PARD3B: variants seen among roughly 807,000 people sequenced by gnomAD.
PARD3B encodes the protein par-3 family cell polarity regulator beta, also known as partitioning defective 3 homolog B.
PARD3B carries 103 observed loss-of-function variants against 130.2 expected under a neutral mutation model. That is an observed-to-expected ratio of 0.79 (90% confidence interval 0.67 to 0.93). The LOEUF is 0.93. Ranked by LOEUF, PARD3B falls within the 40% of genes least tolerant of loss-of-function variation. PARD3B has a pLI of 0.00. For missense variants in PARD3B, 1,609 were observed against 1,499.2 expected, an observed-to-expected ratio of 1.07 and a Z score of -1.21; for synonymous variants, 583 against 553.2, an observed-to-expected ratio of 1.05 and a Z score of -0.76.
In PARD3B at chr2:204,784,313, A is replaced by AT. The variant is rs200256397; in HGVS notation, c.222+98040dup. Among the ~76,000 whole-genome samples, 845 of 151,168 alleles carry AT rather than the reference A, an allele frequency of 5.6e-3. 3 individuals are homozygous for AT. The highest frequency in any genetic ancestry group is 8.7e-3 in the Non-Finnish European group (590 of 67,740). ...TGTCAGTTAGATCTTTACTAAATGG[A>AT]TTTTTTTTTCAACTTTTTTGTCCTT... On this transcript the variant is annotated intron_variant, in intron 2 of 22. Coordinates refer to ENST00000406610, the MANE Select transcript of PARD3B (RefSeq NM_001302769.2).
At chr2:204,607,989 C>T (rs1326781083) in intron 1 of PARD3B, among the ~76,000 whole-genome samples, 1 of 152,124 alleles carries the variant, frequency 6.6e-6, no homozygotes, top group Non-Finnish European at 1.5e-5. Context: ...CATGTGCACA[C>T]CCTGTTGTGT....
chr2:205,528,825 G>A (rs909592341), intron 21 of PARD3B, among the ~76,000 whole-genome samples: 5 of 149,884 alleles, frequency 3.3e-5, no homozygotes, highest in Non-Finnish European at 7.4e-5. Flanking sequence ...CTAGCCTAAC[G>A]AGGAATGCCA....
At chr2:204,989,007 C>A (rs1693413961) in intron 3 of PARD3B, among the ~76,000 whole-genome samples, 2 of 152,140 alleles carry the variant, frequency 1.3e-5, no homozygotes, top group South Asian at 4.1e-4. Flanking sequence ...GGTGGTAAAC[C>A]TCCAGCAGTG....
At chr2:204,570,207 T>G (rs2031912395) in intron 1 of PARD3B, among the ~76,000 whole-genome samples, 1 of 152,144 alleles carries the variant, frequency 6.6e-6, no homozygotes, top group African/African-American at 2.4e-5. Context: ...GGAGAGCTTG[T>G]TGTACTCTGA....
chr2:205,007,947 G>A (rs1032420030), intron 3 of PARD3B, among the ~76,000 whole-genome samples: 10 of 151,838 alleles, frequency 6.6e-5, no homozygotes, highest in African/African-American at 2.4e-4. Context: ...TATATTTTTG[G>A]AGCTGTTGCA....
rs869308018 is a variant in PARD3B at position 205,354,026 on chromosome 2, C to CTTTT, written c.2631-46966_2631-46963dup. Among the ~76,000 whole-genome samples the CTTTT allele has an allele frequency of 1.6e-3, 81 of 50,328 alleles. 2 individuals carry two copies. The highest frequency in any genetic ancestry group is 2.5e-3 in the African/African-American group (41 of 16,144). The allele number at this position is 50,328 out of a possible 152,430, so 33.0% of individuals were successfully genotyped here. A position where few individuals can be genotyped will look rare whatever the true frequency, so the allele number is the denominator to read the frequency against. On this transcript the variant is annotated intron_variant, in intron 18 of 22. Transcript: ENST00000406610. Reference sequence around the variant, plus strand: ...CTTCTTTCTTTTTTCTTTTCTTTTCCTTTTTTTTTTTTTTTTTTTTTTTTG... The same window carrying CTTTT: ...CTTCTTTCTTTTTTCTTTTCTTTTCCTTTTTTTTTTTTTTTTTTTTTTTTTTTTG...
At chr2:204,824,912 A>G (rs2043509418) in intron 2 of PARD3B, among the ~76,000 whole-genome samples, 1 of 152,186 alleles carries the variant, frequency 6.6e-6, no homozygotes, top group South Asian at 2.1e-4. Flanking sequence ...GTGAGCCACC[A>G]TCACATGCTC....
intron 10 of PARD3B, among the ~76,000 whole-genome samples, chr2:205,141,757 A>G (rs1304636446): frequency 2.0e-5 from 3 of 152,162 alleles, no homozygotes; most frequent in Non-Finnish European, 4.4e-5. Context: ...CCAAAATACC[A>G]TTTGATGATG....
At position 204,799,754 on chromosome 2, in the gene PARD3B, T is replaced by C. The variant is rs1239867942; in HGVS notation, c.222+113472T>C. Among the ~76,000 whole-genome samples the C allele has an allele frequency of 1.3e-5, 2 of 152,098 alleles. No individual in the cohort carries two copies. Among genetic ancestry groups the C allele is most frequent in the Non-Finnish European group, 1.5e-5 (1 of 68,008 alleles). The stretch of plus-strand genomic sequence containing the variant: ...ATCCAGGGACTTCTCCCAGATCTTA[T>C]CCAAGACCACCAAGATGGTACCTGT... On this transcript the variant is annotated intron_variant, in intron 2 of 22. Coordinates refer to ENST00000406610, the MANE Select transcript of PARD3B (RefSeq NM_001302769.2). The surrounding 1 kb of genome is among the most constrained non-coding windows in gnomAD (Gnocchi z 4.1).
Position 204,874,787 on chromosome 2 carries a change from A to G in PARD3B, c.223-90365A>G, listed in dbSNP as rs185819471. Among the ~76,000 whole-genome samples the G allele has an allele frequency of 1.5e-3, 234 of 152,174 alleles. 1 individual carries two copies. Among genetic ancestry groups the G allele is most frequent in the Admixed American group, 1.8e-3 (27 of 15,270 alleles). On this transcript the variant is annotated intron_variant, in intron 2 of 22. Coordinates refer to ENST00000406610, the MANE Select transcript of PARD3B (RefSeq NM_001302769.2). ...CAAACACTGCTCTGATTTCTATAATATCACCCTAGCTTGGTTCTACAAGTG... is the reference window on the plus strand; with the variant it reads ...CAAACACTGCTCTGATTTCTATAATGTCACCCTAGCTTGGTTCTACAAGTG...
chr2:205,543,877 A>G (rs2052274907), intron 21 of PARD3B, among the ~76,000 whole-genome samples: 2 of 152,220 alleles, frequency 1.3e-5, no homozygotes, highest in Admixed American at 1.3e-4. Flanking sequence ...TGGTCTTTAT[A>G]AATGGAAGTA....
At chr2:204,650,629 T>C (rs1179612357) in intron 1 of PARD3B, among the ~76,000 whole-genome samples, 1 of 152,150 alleles carries the variant, frequency 6.6e-6, no homozygotes, top group East Asian at 1.9e-4. Flanking sequence ...CCATTTTCCT[T>C]AGCAAACTAA....
At chr2:205,157,621 A>G (rs1184398254) in intron 10 of PARD3B, among the ~76,000 whole-genome samples, 1 of 152,128 alleles carries the variant, frequency 6.6e-6, no homozygotes, top group Non-Finnish European at 1.5e-5. Flanking sequence ...TCAGACATTC[A>G]TAGTAATTTT....
At chr2:205,477,243 A>C (rs2049054459) in intron 20 of PARD3B, among the ~76,000 whole-genome samples, 1 of 152,230 alleles carries the variant, frequency 6.6e-6, no homozygotes, top group Non-Finnish European at 1.5e-5. Context: ...TTGTGAGCAG[A>C]TAAGCACAAG....
intron 1 of PARD3B, among the ~76,000 whole-genome samples, chr2:204,614,882 C>T (rs1216861007): frequency 6.6e-6 from 1 of 152,152 alleles, no homozygotes; most frequent in Non-Finnish European, 1.5e-5. Context: ...TCCTGCAGAA[C>T]CATGAGCCAA....
At chr2:205,133,610 T>G (rs1412303281) in intron 10 of PARD3B, among the ~76,000 whole-genome samples, 2 of 152,204 alleles carry the variant, frequency 1.3e-5, no homozygotes, top group Non-Finnish European at 2.9e-5. Flanking sequence ...GTGATCAAAT[T>G]TTCAACTTTA....
At chr2:204,672,247 T>C (rs931775880) in intron 1 of PARD3B, among the ~76,000 whole-genome samples, 2 of 152,240 alleles carry the variant, frequency 1.3e-5, no homozygotes, top group Admixed American at 1.3e-4. Flanking sequence ...TTTTAGCTAA[T>C]TGTTTTTGGA....
intron 2 of PARD3B, among the ~76,000 whole-genome samples, chr2:204,733,257 G>T (rs1574843276): frequency 6.6e-6 from 1 of 152,040 alleles, no homozygotes; most frequent in South Asian, 2.1e-4. Context: ...ATACCACTTA[G>T]ATAACATCAT....
chr2:205,360,998 C>G (rs2044368068), intron 18 of PARD3B, among the ~76,000 whole-genome samples: 1 of 152,000 alleles, frequency 6.6e-6, no homozygotes, highest in African/African-American at 2.4e-5. Context: ...TCCCTCCCTT[C>G]TTCACTGCCC....
Sources: gnomAD v4.1 joint callset for allele counts (sites outside exome capture counted in the v4.1 genomes callset) on GRCh38, gnomAD v4.1.1 for gene constraint, Gnocchi (gnomAD v3.1) non-coding constraint, MANE v1.5 for transcripts, NCBI Gene and HGNC (gene_info 2026-07-23, HGNC 2026-07-21) for gene names.